Variants in ZNF106 observed in about 807,000 individuals in gnomAD.
The protein encoded by ZNF106 is zinc finger protein 106, also known as SH3-domain binding protein 3.
In ZNF106, 67 loss-of-function variants were observed where a neutral mutation model predicts 195.1. That is an observed-to-expected ratio of 0.34 (90% CI 0.28 to 0.42). The LOEUF (loss-of-function observed/expected upper bound fraction) is 0.42, where lower values mean the gene tolerates loss of function less well. Ranked by LOEUF, ZNF106 falls within the 10% of genes least tolerant of loss-of-function variation. The probability of loss-of-function intolerance (pLI) is 1.00; values close to 1 mark genes in which losing one functional copy is unlikely to be tolerated. For synonymous variants in ZNF106, 784 were observed against 818.6 expected, an observed-to-expected ratio of 0.96 and a Z score of 0.72; for missense variants, 2,118 against 2,304.5, an observed-to-expected ratio of 0.92 and a Z score of 1.66.
intron 14 of ZNF106, among the ~76,000 whole-genome samples, chr15:42,429,584 C>G (rs980562995): frequency 6.6e-6 from 1 of 151,936 alleles, no homozygotes; most frequent in African/African-American, 2.4e-5. Flanking sequence ...CCATTGGTCT[C>G]GTCTCCCAAC....
chr15:42,463,248 G>A (rs2056434911), intron 3 of ZNF106, among the ~76,000 whole-genome samples: 1 of 152,076 alleles, frequency 6.6e-6, no homozygotes, highest in Admixed American at 6.6e-5. Context: ...GGGTAGGGTG[G>A]CAGGTAAGTC....
intron 7 of ZNF106, 63 bp downstream of exon 7, chr15:42,446,526 C>T (rs1192870968): frequency 1.0e-5 from 14 of 1,359,274 alleles, no homozygotes; most frequent in South Asian, 7.5e-5. Flanking sequence ...ACCAAAAACC[C>T]GCACCCCCCA....
At chr15:42,484,918 G>A (rs2056977194) in intron 1 of ZNF106, among the ~76,000 whole-genome samples, 2 of 152,202 alleles carry the variant, frequency 1.3e-5, no homozygotes, top group African/African-American at 2.4e-5. Context: ...CCAGCACCTG[G>A]GAAGCGGAGG....
In ZNF106 at chr15:42,439,394, T is replaced by C. The variant is rs777136672; in HGVS notation, c.4183A>G (p.Thr1395Ala). ...TTAACAGTCAAAACATCCTGTTCAGTGTCACTATTCTCAGGAACATGGGCA... is the reference window on the plus strand; with the variant it reads ...TTAACAGTCAAAACATCCTGTTCAGCGTCACTATTCTCAGGAACATGGGCA... The part of the protein sequence containing the change: ...RAAHVPENSD[T>A]EQDVLTVKPV... The change falls in exon 11 of 22, where the codon ACT becomes GCT. Residue 1395 changes from threonine to alanine, a missense_variant. By Grantham distance (58) the Thr-to-Ala change is moderately conservative. Transcript: ENST00000564754. The C allele has an allele frequency of 1.2e-6, 2 of 1,614,160 alleles. No homozygotes were observed. The highest frequency in any genetic ancestry group is 2.2e-5 in the East Asian group (1 of 44,890).
At chr15:42,439,834 T>A (rs955960942) in intron 10 of ZNF106, 21 bp from the exon 11 acceptor site, 2 of 1,497,478 alleles carry the variant, frequency 1.3e-6, no homozygotes, top group South Asian at 2.8e-5. Flanking sequence ...AGGAAAAAAA[T>A]TATTGCATCC....
chr15:42,415,737 G>A lies in ZNF106; in HGVS notation c.*1567C>T, dbSNP rs2054433338. 1.2e-5 allele frequency: 2 copies of A among 161,394 alleles called. No individual in the cohort carries two copies. The highest frequency in any genetic ancestry group is 1.2e-4 in the South Asian group (1 of 8,652). The allele number at this position is 161,394 out of a possible 1,614,324, so 10.0% of individuals were successfully genotyped here. On this transcript the variant is annotated 3_prime_UTR_variant, in exon 22 of 22. Coordinates refer to ENST00000564754, the MANE Select transcript of ZNF106 (RefSeq NM_001366845.3). ...CCAATTTTATCTCTCTGAAGAAGCT[G>A]AGTTTTTTTTTTTTTTTTTGAGACG...
chr15:42,466,095 C>T lies in ZNF106; in HGVS notation c.74G>A (p.Arg25Gln), dbSNP rs1412534705. The T allele has an allele frequency of 6.5e-7, 1 of 1,533,114 alleles. No homozygotes were observed. Among genetic ancestry groups the T allele is most frequent in the Non-Finnish European group, 8.7e-7 (1 of 1,145,494 alleles). The allele number at this position is 1,533,114 out of a possible 1,614,324, so 95.0% of individuals were successfully genotyped here. A position where few individuals can be genotyped will look rare whatever the true frequency, so the allele number is the denominator to read the frequency against. The part of the protein sequence containing the change: ...SSKKEMDEHM[R>Q]SMLHHRELEN... ...AAGTTCCCTGTGATGCAACATGCTC[C>T]GCATGTGTTCGTCCATCTCCTTCAA... Residue 25 changes from arginine (R) to glutamine (Q), a missense_variant, in exon 3 of 22, where the codon CGG (arginine) becomes CAG (glutamine). By Grantham distance (43) the Arg-to-Gln change is conservative (BLOSUM62 1). Transcript: ENST00000564754.
chr15:42,484,728 ACT>A (rs2056972039), intron 1 of ZNF106, among the ~76,000 whole-genome samples: 1 of 136,908 alleles, frequency 7.3e-6, no homozygotes, highest in African/African-American at 3.2e-5. Flanking sequence ...ACAGAGTGAG[ACT>A]CTGTCTCAAA....
intron 7 of ZNF106, 124 bp from the exon 8 acceptor site, chr15:42,445,105 G>A: frequency 8.7e-7 from 1 of 1,149,794 alleles, no homozygotes; most frequent in Non-Finnish European, 1.2e-6. Flanking sequence ...GTAGGTCATT[G>A]GAAATTCATA....
At chr15:42,437,442 G>C in intron 12 of ZNF106, 65 bp from the exon 13 acceptor site, 1 of 1,577,840 alleles carries the variant, frequency 6.3e-7, no homozygotes, top group Non-Finnish European at 8.6e-7. Context: ...TCAAAAATCA[G>C]AACTATTATA....
chr15:42,439,158 G>A lies in ZNF106; in HGVS notation c.4419C>T (p.Ser1473=). 1 of 1,614,062 alleles carries A rather than the reference G, an allele frequency of 6.2e-7. No homozygotes were observed. Among genetic ancestry groups the A allele is most frequent in the Non-Finnish European group, 8.5e-7 (1 of 1,180,014 alleles). The change falls in exon 11 of 22, where the codon AGC becomes AGT. Residue 1473 remains serine, a synonymous_variant. Transcript: ENST00000564754. ...SSESGEEKPD[S]PSKKDIWNST... is the part of the protein sequence containing the mutation. ...AGTTCCAAATATCCTTTTTAGATGG[G>A]CTGTCTGGTTTCTCTTCTCCTGATT...
At chr15:42,468,496 G>A (rs1299571504) in intron 2 of ZNF106, among the ~76,000 whole-genome samples, 1 of 151,744 alleles carries the variant, frequency 6.6e-6, no homozygotes, top group East Asian at 2.0e-4. Context: ...TATAATCCCA[G>A]CACTTTGGGA....
intron 9 of ZNF106, among the ~76,000 whole-genome samples, chr15:42,443,132 T>C (rs2055619693): frequency 6.6e-6 from 1 of 152,120 alleles, no homozygotes; most frequent in African/African-American, 2.4e-5. Context: ...ACTCCCAAAG[T>C]GCTGGGATTA....
At chr15:42,445,877 T>C (rs1327851804) in intron 7 of ZNF106, among the ~76,000 whole-genome samples, 1 of 152,136 alleles carries the variant, frequency 6.6e-6, no homozygotes, top group Non-Finnish European at 1.5e-5. Flanking sequence ...AATACATCAA[T>C]GAGGGAGCAA....
chr15:42,451,712 T>A lies in ZNF106; in HGVS notation c.560A>T (p.His187Leu). Residue 187 changes from histidine to leucine, a missense_variant, in exon 5 of 22, where the codon CAT (histidine) becomes CTT (leucine). Coordinates refer to ENST00000564754, the MANE Select transcript of ZNF106 (RefSeq NM_001366845.3). ...GGGPRGRSGWHKGVAGGSSTW... is the reference protein window; with the variant it reads ...GGGPRGRSGWLKGVAGGSSTW... ...CGAGGAGCCTCCTGCAACACCCTTATGCCACCCGGAACGTCCTCTTGGTCC... is the reference window on the plus strand; with the variant it reads ...CGAGGAGCCTCCTGCAACACCCTTAAGCCACCCGGAACGTCCTCTTGGTCC... 1 of 1,614,210 alleles carries A rather than the reference T, an allele frequency of 6.2e-7. No individual in the cohort carries two copies. The highest frequency in any genetic ancestry group is 8.5e-7 in the Non-Finnish European group (1 of 1,180,040).
At chr15:42,422,066 G>T in intron 18 of ZNF106, 78 bp from the exon 19 acceptor site, 1 of 1,326,434 alleles carries the variant, frequency 7.5e-7, no homozygotes, top group Non-Finnish European at 1.0e-6. Context: ...AAGGCCTTTG[G>T]CAGGTTTAAA....
In ZNF106 at chr15:42,439,559, C is replaced by T; in HGVS notation, c.4018G>A (p.Ala1340Thr). Residue 1340 changes from alanine to threonine, a missense_variant, in exon 11 of 22, where the codon GCT (alanine) becomes ACT (threonine). By Grantham distance (58) the Ala-to-Thr change is moderately conservative. Coordinates refer to ENST00000564754, the MANE Select transcript of ZNF106 (RefSeq NM_001366845.3). Reference protein sequence around the residue: ...CTSSFLRLSFASETPLEKEPH... With the variant: ...CTSSFLRLSFTSETPLEKEPH... Reference sequence around the variant, plus strand: ...TCCTTCTCCAAAGGGGTTTCTGAAGCAAAAGACAATCTTAGAAAAGAACTG... The same window carrying T: ...TCCTTCTCCAAAGGGGTTTCTGAAGTAAAAGACAATCTTAGAAAAGAACTG... 1 of 1,614,190 alleles carries T rather than the reference C, an allele frequency of 6.2e-7. No individual in the cohort carries two copies. The highest frequency in any genetic ancestry group is 8.5e-7 in the Non-Finnish European group (1 of 1,180,030).
intron 1 of ZNF106, among the ~76,000 whole-genome samples, chr15:42,475,285 T>C (rs1394366448): frequency 1.3e-5 from 2 of 151,880 alleles, no homozygotes; most frequent in Admixed American, 1.3e-4. Flanking sequence ...CTATTAAAAA[T>C]ACAAAAATTA....
intron 18 of ZNF106, among the ~76,000 whole-genome samples, 177 bp from the exon 19 acceptor site, chr15:42,422,165 C>T (rs1467268128): frequency 6.6e-6 from 1 of 152,046 alleles, no homozygotes; most frequent in Non-Finnish European, 1.5e-5. Flanking sequence ...TTCTACTACT[C>T]AAGGAGGGAG....
Sources: allele counts gnomAD v4.1 joint callset (sites outside exome capture counted in the v4.1 genomes callset), GRCh38; gene constraint gnomAD v4.1.1; transcripts MANE v1.5; gene names NCBI Gene and HGNC (gene_info 2026-07-23, HGNC 2026-07-21).